The following TULP4 variants were observed in gnomAD, a reference collection of about 807,000 sequenced individuals.
TULP4 encodes tubby-related protein 4.
Under a neutral mutation model 129.0 loss-of-function variants are expected in TULP4, and 16 were observed. The observed-to-expected ratio is 0.12, with a 90% CI of 0.08 to 0.19. TULP4 has a LOEUF of 0.19. Ranked by LOEUF, TULP4 falls within the 10% of genes least tolerant of loss-of-function variation. The pLI is 1.00. For synonymous variants in TULP4, 998 were observed against 854.0 expected, an observed-to-expected ratio of 1.17 and a Z score of -2.94; for missense variants, 1,842 against 2,059.1, an observed-to-expected ratio of 0.89 and a Z score of 2.04.
intron 1 of TULP4, among the ~76,000 whole-genome samples, chr6:158,324,121 T>G (rs1187344901): frequency 6.6e-6 from 1 of 152,166 alleles, no homozygotes; most frequent in Non-Finnish European, 1.5e-5. Context: ...TTACTAGAAT[T>G]TGATGGATGT....
At chr6:158,443,979 G>A (rs553866605) in intron 3 of TULP4, among the ~76,000 whole-genome samples, 2 of 152,124 alleles carry the variant, frequency 1.3e-5, no homozygotes, top group African/African-American at 2.4e-5. Context: ...CAGCACTTTG[G>A]GGGGCCAGGG....
In TULP4 at chr6:158,503,021, C is replaced by A; in HGVS notation, c.3358C>A (p.Pro1120Thr). The part of the protein sequence containing the change: ...PEAAVTLKRP[P>T]PYQWDPMLGE... ...AGCTGCTGTCACCCTGAAACGGCCA[C>A]CCCCTTACCAGTGGGACCCCATGCT... The change falls in exon 13 of 14, where the codon CCC becomes ACC. Residue 1120 changes from proline to threonine, a missense_variant. Coordinates refer to ENST00000367097, the MANE Select transcript of TULP4 (RefSeq NM_020245.5). This position sits in a 1 kb window ranked among gnomAD's most constrained non-coding sequence, Gnocchi z 4.3. The A allele has an allele frequency of 6.2e-7, 1 of 1,614,152 alleles. No individual in the cohort carries two copies. Among genetic ancestry groups the A allele is most frequent in the Non-Finnish European group, 8.5e-7 (1 of 1,180,026 alleles).
intron 7 of TULP4, among the ~76,000 whole-genome samples, chr6:158,480,323 C>T (rs1200543546): frequency 6.6e-6 from 1 of 152,228 alleles, no homozygotes; most frequent in East Asian, 1.9e-4. Flanking sequence ...GTCCTGACTT[C>T]CTGACAGATG....
intron 1 of TULP4, among the ~76,000 whole-genome samples, chr6:158,325,506 C>G (rs748706605): frequency 6.6e-6 from 1 of 152,142 alleles, no homozygotes; most frequent in East Asian, 1.9e-4. Context: ...GCACCTATCA[C>G]CACGCCTGGC....
At chr6:158,301,809 C>T (rs1011780223) in intron 1 of TULP4, among the ~76,000 whole-genome samples, 2 of 152,172 alleles carry the variant, frequency 1.3e-5, no homozygotes, top group East Asian at 3.8e-4. Flanking sequence ...CCTGGGACTG[C>T]AGAGATTGGA....
At chr6:158,373,150 G>T (rs933966649) in intron 1 of TULP4, among the ~76,000 whole-genome samples, 11 of 152,190 alleles carry the variant, frequency 7.2e-5, no homozygotes, top group African/African-American at 1.9e-4. Flanking sequence ...CAGTGAAAAT[G>T]TAGTCTACTA....
At chr6:158,350,247 GCGGCCGGGCAGAGGGGC>G (rs1780478867) in intron 1 of TULP4, among the ~76,000 whole-genome samples, 2 of 4,528 alleles carry the variant, frequency 4.4e-4, no homozygotes, top group Non-Finnish European at 2.0e-3. Context: ...CCCAGACGGG[GCGGCCGGGCAGAGGGGC>G]TCCTCACATC....
chr6:158,371,878 G>T (rs778418325), intron 1 of TULP4, among the ~76,000 whole-genome samples: 25 of 152,252 alleles, frequency 1.6e-4, no homozygotes, highest in African/African-American at 5.8e-4. Flanking sequence ...GCAGTGGCAC[G>T]ATTTCAGCTC....
chr6:158,307,092 T>C (rs1004997411), intron 1 of TULP4, among the ~76,000 whole-genome samples: 7 of 152,234 alleles, frequency 4.6e-5, no homozygotes, highest in African/African-American at 1.2e-4. Flanking sequence ...AAATAAGTTA[T>C]ATATTTTTAT....
In TULP4 at chr6:158,435,977, C is replaced by T. The variant is rs1253968729; in HGVS notation, c.543+6080C>T. ...AGTCTCGCTCTGTCGCCCAGTGGCA[C>T]GATCTCGGCTCACTGCAACCTCCGC... On this transcript the variant is annotated intron_variant, in intron 3 of 13. Transcript: ENST00000367097. 2.6e-5 allele frequency among the ~76,000 whole-genome samples: 4 copies of T among 151,856 alleles called. No homozygotes were observed. The East Asian group carries it at 5.8e-4, about 22-fold the overall frequency.
chr6:158,481,356 C>G, intron 8 of TULP4, 67 bp downstream of exon 8: 2 of 1,409,714 alleles, frequency 1.4e-6, no homozygotes, highest in Non-Finnish European at 2.0e-6. Context: ...ACGCCTTACA[C>G]CCCATGCAAA....
At chr6:158,437,200 A>T (rs149479311) in intron 3 of TULP4, among the ~76,000 whole-genome samples, 1,611 of 152,314 alleles carry the variant, frequency 0.011, 31 homozygotes, top group African/African-American at 0.036. Flanking sequence ...TTGAGTAGTT[A>T]GTGTAACAGG....
In TULP4 at chr6:158,502,739, C is replaced by A. The variant is rs763144493; in HGVS notation, c.3076C>A (p.Leu1026Ile). 16 of 1,579,086 alleles carry A rather than the reference C, an allele frequency of 1.0e-5. No homozygotes were observed. The African/African-American group carries it at 1.9e-4, about 19-fold the overall frequency. ...KGGPGGVVTQLPARPPPALYT... is the reference protein window; with the variant it reads ...KGGPGGVVTQIPARPPPALYT... ...CGGGCCCGGGGGGGTGGTGACACAG[C>A]TCCCAGCGCGGCCCCCACCTGCCCT... Residue 1026 changes from leucine (L) to isoleucine (I), a missense_variant, in exon 13 of 14, where the codon CTC (leucine) becomes ATC (isoleucine). Coordinates refer to ENST00000367097, the MANE Select transcript of TULP4 (RefSeq NM_020245.5).
At chr6:158,257,318 CG>C (rs1778266343) in intron 1 of TULP4, among the ~76,000 whole-genome samples, 1 of 152,110 alleles carries the variant, frequency 6.6e-6, no homozygotes, top group African/African-American at 2.4e-5. Flanking sequence ...GTTATTTATA[CG>C]GCTGTCACAT....
chr6:158,366,181 G>A (rs1413385852), intron 1 of TULP4, among the ~76,000 whole-genome samples: 1 of 152,100 alleles, frequency 6.6e-6, no homozygotes, highest in Non-Finnish European at 1.5e-5. Flanking sequence ...GGGATTACAG[G>A]CATGGGCCAC....
chr6:158,362,991 G>C (rs1780832634), intron 1 of TULP4, among the ~76,000 whole-genome samples: 2 of 151,596 alleles, frequency 1.3e-5, no homozygotes, highest in Admixed American at 1.3e-4. Context: ...GAACCCGGGA[G>C]GCGGAGTTTG....
Position 158,452,254 on chromosome 6 carries a change from G to A in TULP4, c.845G>A (p.Arg282His), listed in dbSNP as rs749569563. Residue 282 changes from arginine to histidine, a missense_variant, in exon 5 of 14, where the codon CGC becomes CAC. By Grantham distance (29) the Arg-to-His change is conservative. This residue lies in a region of TULP4 where 456 missense variants were observed against 534.3 expected (regional missense o/e 0.85). Coordinates refer to ENST00000367097, the MANE Select transcript of TULP4 (RefSeq NM_020245.5). ...GATGACTTGTCTCCCACGGTCATCC[G>A]CTCAGGGCTGAAAGGTACAGAATGC... is the stretch of plus-strand genomic sequence containing the variant. ...NYDDLSPTVI[R>H]SGLKEVVAQW... 30 of 1,613,956 alleles carry A rather than the reference G, an allele frequency of 1.9e-5. No individual in the cohort carries two copies. The highest frequency in any genetic ancestry group is 2.3e-5 in the Non-Finnish European group (27 of 1,179,988).
chr6:158,510,556 G>C lies in TULP4; in HGVS notation c.*3862G>C, dbSNP rs942941462. ...TATTTCACACCATTGCCTTTGTGTA[G>C]AGAAATATTTCTTTTCCTGTGTTAA... is the stretch of plus-strand genomic sequence containing the variant. On this transcript the variant is annotated 3_prime_UTR_variant, in exon 14 of 14. Transcript: ENST00000367097. 5.3e-5 allele frequency: 8 copies of C among 152,310 alleles called. No individual in the cohort carries two copies. The highest frequency in any genetic ancestry group is 4.6e-4 in the Admixed American group (7 of 15,298). The allele number at this position is 152,310 out of a possible 1,614,324, so 9.4% of individuals were successfully genotyped here.
At chr6:158,331,067 A>AT (rs1427613236) in intron 1 of TULP4, among the ~76,000 whole-genome samples, 4 of 152,048 alleles carry the variant, frequency 2.6e-5, no homozygotes, top group Admixed American at 6.6e-5. Flanking sequence ...AGTGCTGTCC[A>AT]TTTTCTCAAC....
Sources: gnomAD v4.1 joint callset for allele counts (sites outside exome capture counted in the v4.1 genomes callset) on GRCh38, gnomAD v4.1.1 for gene constraint, gnomAD v4.1.1 regional missense constraint, Gnocchi (gnomAD v3.1) non-coding constraint, MANE v1.5 for transcripts, NCBI Gene and HGNC (gene_info 2026-07-23, HGNC 2026-07-21) for gene names.